MEIS2: variants seen among roughly 807,000 people sequenced by gnomAD.
MEIS2 encodes homeobox protein Meis2.
A neutral mutation model predicts 58.6 loss-of-function variants in MEIS2; 9 were observed. The ratio of observed to expected loss-of-function variants is 0.15; its 90% CI spans 0.09 to 0.27. The LOEUF is 0.27. Ranked by LOEUF, MEIS2 falls within the 10% of genes least tolerant of loss-of-function variation. The pLI, the probability that MEIS2 is intolerant of heterozygous loss-of-function variation, is 1.00. For synonymous variants in MEIS2, 221 were observed against 228.4 expected (o/e 0.97, Z 0.29); for missense variants, 427 against 635.0 (o/e 0.67, Z 3.52).
intron 9 of MEIS2, among the ~76,000 whole-genome samples, chr15:36,923,700 C>T (rs2057618323): frequency 6.6e-6 from 1 of 152,230 alleles, no homozygotes; most frequent in Non-Finnish European, 1.5e-5. Context: ...AAAGTCTTTC[C>T]TCACTGAGTC....
chr15:36,963,223 A>C (rs1338131663), intron 8 of MEIS2, among the ~76,000 whole-genome samples: 1 of 152,090 alleles, frequency 6.6e-6, no homozygotes, highest in Non-Finnish European at 1.5e-5. Context: ...AAAAATACAA[A>C]AAAAAATTTA....
At chr15:36,956,381 A>G (rs1357107516) in intron 8 of MEIS2, among the ~76,000 whole-genome samples, 1 of 152,048 alleles carries the variant, frequency 6.6e-6, no homozygotes, top group African/African-American at 2.4e-5. Flanking sequence ...TTTCCACTCT[A>G]ACATTAATAT....
At chr15:36,892,808 T>C (rs541127962) in intron 11 of MEIS2, among the ~76,000 whole-genome samples, 40 of 152,364 alleles carry the variant, frequency 2.6e-4, no homozygotes, top group African/African-American at 8.9e-4. Flanking sequence ...GATAGATCAT[T>C]TATTTTTCTG....
Position 36,939,062 on chromosome 15 carries a change from C to A in MEIS2, c.977+11262G>T, listed in dbSNP as rs535665581. ...CCTCCCAGACTCCTTTACTCAATTT[C>A]CCTACTTCCATGGTCTCTCGTACTA... On this transcript the variant is annotated intron_variant, in intron 9 of 11. Transcript: ENST00000561208. 2.0e-5 allele frequency among the ~76,000 whole-genome samples: 3 copies of A among 152,318 alleles called. 1 individual carries two copies. The highest frequency in any genetic ancestry group is 6.5e-5 in the Admixed American group (1 of 15,300).
At chr15:36,965,031 C>T (rs1175793294) in intron 8 of MEIS2, among the ~76,000 whole-genome samples, 4 of 152,058 alleles carry the variant, frequency 2.6e-5, no homozygotes, top group Non-Finnish European at 5.9e-5. Context: ...AAGAACCGAA[C>T]GCAGGAAGCA....
At chr15:37,081,980 C>G (rs1326866312) in intron 7 of MEIS2, among the ~76,000 whole-genome samples, 1 of 152,146 alleles carries the variant, frequency 6.6e-6, no homozygotes, top group Non-Finnish European at 1.5e-5. Context: ...ATCCCCACTC[C>G]AAAACCTGGG....
chr15:36,983,886 T>A, intron 8 of MEIS2, among the ~76,000 whole-genome samples: 1 of 152,186 alleles, frequency 6.6e-6, no homozygotes, highest in Admixed American at 6.5e-5. Flanking sequence ...TTTTCCTAAG[T>A]ATTTAATTGT....
intron 9 of MEIS2, 33 bp from the exon 10 acceptor site, chr15:36,896,719 C>T (rs760188128): frequency 6.3e-6 from 10 of 1,585,014 alleles, no homozygotes; most frequent in East Asian, 2.2e-5. Flanking sequence ...AGTCATCATA[C>T]TCCGTTTCTG....
chr15:36,962,910 G>A (rs544334874), intron 8 of MEIS2, among the ~76,000 whole-genome samples: 1 of 152,302 alleles, frequency 6.6e-6, no homozygotes, highest in African/African-American at 2.4e-5. Context: ...TTGTATGTAT[G>A]TACCATGAAA....
intron 8 of MEIS2, among the ~76,000 whole-genome samples, chr15:36,973,982 T>C (rs1050674772): frequency 2.4e-4 from 36 of 152,154 alleles, no homozygotes; most frequent in African/African-American, 8.7e-4. Flanking sequence ...CACATCAATT[T>C]CCCCCTCGAT....
chr15:37,035,184 C>G (rs1424813922), intron 8 of MEIS2, among the ~76,000 whole-genome samples: 1 of 152,218 alleles, frequency 6.6e-6, no homozygotes, highest in East Asian at 1.9e-4. Flanking sequence ...TTAGTTGCTA[C>G]TCTAACCAAA....
At chr15:36,973,143 G>A (rs1057394456) in intron 8 of MEIS2, among the ~76,000 whole-genome samples, 3 of 152,156 alleles carry the variant, frequency 2.0e-5, no homozygotes, top group Non-Finnish European at 4.4e-5. Context: ...AATAATACCT[G>A]CTTTACAGGT....
chr15:36,963,072 C>A (rs1359674365), intron 8 of MEIS2, among the ~76,000 whole-genome samples: 2 of 152,228 alleles, frequency 1.3e-5, no homozygotes, highest in South Asian at 4.1e-4. Flanking sequence ...GACTCTGGCT[C>A]CCCATATAAG....
chr15:37,077,895 G>T (rs570504858), intron 7 of MEIS2, among the ~76,000 whole-genome samples: 5 of 152,212 alleles, frequency 3.3e-5, no homozygotes, highest in Admixed American at 6.6e-5. Flanking sequence ...GAGATGAACT[G>T]CATCTAACAC....
chr15:37,077,417 G>A (rs764785092), intron 7 of MEIS2, among the ~76,000 whole-genome samples: 4 of 152,078 alleles, frequency 2.6e-5, no homozygotes, highest in Admixed American at 6.6e-5. Context: ...AGTTTTTCAT[G>A]CTTTGATTTT....
intron 8 of MEIS2, among the ~76,000 whole-genome samples, chr15:36,993,997 T>C (rs905576576): frequency 1.3e-5 from 2 of 152,054 alleles, no homozygotes; most frequent in Non-Finnish European, 2.9e-5. Flanking sequence ...AAAGCCAAAG[T>C]AATTTTAGAT....
At chr15:36,976,840 G>C (rs983566953) in intron 8 of MEIS2, among the ~76,000 whole-genome samples, 1 of 151,946 alleles carries the variant, frequency 6.6e-6, no homozygotes, top group African/African-American at 2.4e-5. Flanking sequence ...AACTCAAATA[G>C]GGGCCAGGCG....
intron 9 of MEIS2, among the ~76,000 whole-genome samples, chr15:36,913,725 CA>C (rs2057147147): frequency 6.6e-6 from 1 of 151,480 alleles, no homozygotes; most frequent in South Asian, 2.1e-4. Context: ...TTCACACACT[CA>C]GGGGGAGAAA....
At chr15:36,935,086 C>T (rs1419313912) in intron 9 of MEIS2, among the ~76,000 whole-genome samples, 3 of 152,106 alleles carry the variant, frequency 2.0e-5, no homozygotes, top group African/African-American at 7.2e-5. Flanking sequence ...GTCACAGATT[C>T]AGTATGGTAG....
Sources: allele counts gnomAD v4.1 joint callset (sites outside exome capture counted in the v4.1 genomes callset), GRCh38; gene constraint gnomAD v4.1.1; transcripts MANE v1.5; gene names NCBI Gene and HGNC (gene_info 2026-07-23, HGNC 2026-07-21).